Variants in EBF2 observed in about 807,000 individuals in gnomAD.
EBF2 encodes transcription factor COE2.
A neutral mutation model predicts 72.8 loss-of-function variants in EBF2; 21 were observed. The observed-to-expected ratio is 0.29, with a 90% CI of 0.20 to 0.42. The LOEUF (loss-of-function observed/expected upper bound fraction) is 0.42. Ranked by LOEUF, EBF2 falls within the 10% of genes least tolerant of loss-of-function variation. The pLI is 1.00. For synonymous variants in EBF2, 299 were observed against 274.2 expected, an observed-to-expected ratio of 1.09 and a Z score of -0.89; for missense variants, 637 against 731.2, an observed-to-expected ratio of 0.87 and a Z score of 1.49.
chr8:25,977,832 A>G (rs1804293893), intron 6 of EBF2, among the ~76,000 whole-genome samples: 1 of 152,220 alleles, frequency 6.6e-6, no homozygotes. Context: ...GACTGCAGAC[A>G]GAGACTAAGA....
intron 3 of EBF2, 63 bp downstream of exon 3, chr8:26,040,876 A>T: frequency 1.2e-6 from 2 of 1,605,714 alleles, no homozygotes; most frequent in Non-Finnish European, 1.7e-6. Context: ...TGGCAAGGTC[A>T]GCGCGTGCGG....
At position 26,044,823 on chromosome 8, in the gene EBF2, T is replaced by C. The variant is rs2117271456; in HGVS notation, c.37A>G (p.Thr13Ala). 6.2e-7 allele frequency: 1 copy of C among 1,614,010 alleles called. No individual in the cohort carries two copies. The highest frequency in any genetic ancestry group is 8.5e-7 in the Non-Finnish European group (1 of 1,180,004). Residue 13 changes from threonine to alanine, a missense_variant, in exon 1 of 16, where the codon ACT becomes GCT. Coordinates refer to ENST00000520164, the MANE Select transcript of EBF2 (RefSeq NM_022659.4). This position sits in a 1 kb window ranked among gnomAD's most constrained non-coding sequence, Gnocchi z 4.1. ...GIQDTLGRGP[T>A]LKEKSLGAEM... ...GCGCCCAGCGATTTCTCTTTCAGAG[T>C]TGGTCCTCTTCCTAAAGTATCTTGA...
At chr8:25,991,904 A>G (rs1284074217) in intron 6 of EBF2, among the ~76,000 whole-genome samples, 1 of 152,138 alleles carries the variant, frequency 6.6e-6, no homozygotes, top group African/African-American at 2.4e-5. Context: ...CACTTCATTC[A>G]TGATGACAAA....
intron 14 of EBF2, among the ~76,000 whole-genome samples, chr8:25,857,257 C>T (rs536462097): frequency 8.5e-5 from 13 of 152,118 alleles, no homozygotes; most frequent in South Asian, 8.3e-4. Context: ...TTTATCTCAC[C>T]GTGTAGTGTA....
At chr8:25,918,479 C>T (rs563057077) in intron 6 of EBF2, among the ~76,000 whole-genome samples, 4 of 152,328 alleles carry the variant, frequency 2.6e-5, no homozygotes, top group African/African-American at 9.6e-5. Flanking sequence ...TGCAAATGTA[C>T]TCCAATGTTT....
intron 11 of EBF2, among the ~76,000 whole-genome samples, chr8:25,862,142 T>G (rs558825340): frequency 6.6e-6 from 1 of 152,342 alleles, no homozygotes; most frequent in South Asian, 2.1e-4. Context: ...ATGTGAAAAT[T>G]TAATAGTTTC....
chr8:25,881,871 G>T (rs1189481896), intron 10 of EBF2, among the ~76,000 whole-genome samples: 1 of 152,200 alleles, frequency 6.6e-6, no homozygotes, highest in East Asian at 1.9e-4. Context: ...GAACGACACA[G>T]AATGTGGCTG....
At chr8:25,995,032 G>C (rs563364102) in intron 6 of EBF2, among the ~76,000 whole-genome samples, 1 of 152,158 alleles carries the variant, frequency 6.6e-6, no homozygotes, top group African/African-American at 2.4e-5. Context: ...TACAGTAGGC[G>C]TGGTGGCTCA....
chr8:25,895,866 G>A (rs1015044608), intron 7 of EBF2, among the ~76,000 whole-genome samples: 9 of 151,978 alleles, frequency 5.9e-5, no homozygotes, highest in African/African-American at 2.2e-4. Context: ...CTACCCTTTG[G>A]TTATTTTTAT....
At chr8:25,880,306 T>C (rs1310021875) in intron 10 of EBF2, among the ~76,000 whole-genome samples, 3 of 152,248 alleles carry the variant, frequency 2.0e-5, no homozygotes, top group Non-Finnish European at 4.4e-5. Flanking sequence ...GTCTTTGGCC[T>C]CAATGTTCAC....
At chr8:25,901,727 T>A (rs568493582) in intron 7 of EBF2, among the ~76,000 whole-genome samples, 1 of 152,332 alleles carries the variant, frequency 6.6e-6, no homozygotes, top group Admixed American at 6.5e-5. Context: ...TTACTGTTAC[T>A]ATAATGGTGA....
chr8:26,002,775 A>G (rs1804753201), intron 6 of EBF2, among the ~76,000 whole-genome samples: 1 of 152,098 alleles, frequency 6.6e-6, no homozygotes, highest in African/African-American at 2.4e-5. Context: ...CCTCTTCTAA[A>G]GTCAGAATGT....
At chr8:25,868,719 GC>G (rs1430277909) in intron 10 of EBF2, among the ~76,000 whole-genome samples, 2 of 152,092 alleles carry the variant, frequency 1.3e-5, no homozygotes, top group East Asian at 3.9e-4. Context: ...CAAGCAATCC[GC>G]CCGCCTTAGC....
intron 14 of EBF2, among the ~76,000 whole-genome samples, chr8:25,855,361 T>C (rs1802066773): frequency 6.6e-6 from 1 of 152,212 alleles, no homozygotes; most frequent in Non-Finnish European, 1.5e-5. Context: ...CTTGGCACAC[T>C]GCTACTGCCA....
chr8:25,850,856 T>A (rs997399904), intron 14 of EBF2, 95 bp from the exon 15 acceptor site: 18 of 1,394,210 alleles, frequency 1.3e-5, no homozygotes, highest in Non-Finnish European at 1.7e-5. Context: ...TTAATTTCCA[T>A]GCATTGTTCC....
chr8:25,917,266 G>A (rs535377793), intron 6 of EBF2, among the ~76,000 whole-genome samples: 20 of 147,866 alleles, frequency 1.4e-4, no homozygotes, highest in East Asian at 2.0e-4. Flanking sequence ...TCTATTCCTC[G>A]ACACCATGAG....
At chr8:26,004,119 A>G (rs552404459) in intron 6 of EBF2, among the ~76,000 whole-genome samples, 1 of 148,698 alleles carries the variant, frequency 6.7e-6, no homozygotes, top group South Asian at 2.1e-4. Context: ...TAAAAAAAGA[A>G]AAAAAAAAAG....
intron 14 of EBF2, among the ~76,000 whole-genome samples, chr8:25,852,020 A>AAAAGAAGAGCTTTCTCTAAAAAC (rs1251496575): frequency 6.6e-6 from 1 of 152,222 alleles, no homozygotes. Context: ...CAAAGACTTC[A>AAAAGAAGAGCTTTCTCTAAAAAC]AAAGAAGAGC....
At chr8:25,872,679 AAACAACAAC>A (rs113792737) in intron 10 of EBF2, among the ~76,000 whole-genome samples, 41,699 of 151,270 alleles carry the variant, frequency 0.28, 5,982 homozygotes, top group South Asian at 0.4. Flanking sequence ...GTAAGAAAGC[AAACAACAAC>A]AACAACAACA....
Sources: gnomAD v4.1 joint callset for allele counts (sites outside exome capture counted in the v4.1 genomes callset) on GRCh38, gnomAD v4.1.1 for gene constraint, Gnocchi (gnomAD v3.1) non-coding constraint, MANE v1.5 for transcripts, NCBI Gene and HGNC (gene_info 2026-07-23, HGNC 2026-07-21) for gene names.